Variants in CPA6 observed in about 807,000 individuals in gnomAD.
CPA6 encodes the protein carboxypeptidase A6, also known as carboxypeptidase B.
CPA6 carries 58 observed loss-of-function variants against 63.3 expected under a neutral mutation model. That is an observed-to-expected ratio of 0.92 (90% CI 0.74 to 1.14). CPA6 has a LOEUF of 1.14. CPA6 is among the 50% of genes most tolerant of loss of function. The pLI, the probability that CPA6 is intolerant of heterozygous loss-of-function variation, is 0.00. For synonymous variants in CPA6, 185 were observed against 179.0 expected (o/e 1.03, Z -0.27); for missense variants, 565 against 526.6 (o/e 1.07, Z -0.71).
intron 1 of CPA6, among the ~76,000 whole-genome samples, chr8:67,745,737 G>A (rs547967835): frequency 4.6e-5 from 7 of 152,250 alleles, no homozygotes; most frequent in South Asian, 4.2e-4. Flanking sequence ...TACTGACCAT[G>A]GCTACTCCAA....
chr8:67,483,943 GT>G (rs1471575622), intron 7 of CPA6, 85 bp from the exon 8 acceptor site: 1 of 1,091,016 alleles, frequency 9.2e-7, no homozygotes, highest in African/African-American at 1.5e-5. Flanking sequence ...CAATGAAAGA[GT>G]CATACCACTG....
intron 8 of CPA6, 157 bp downstream of exon 8, chr8:67,483,611 C>T: frequency 1.8e-5 from 11 of 614,934 alleles, no homozygotes; most frequent in East Asian, 2.8e-5. Context: ...TTTCTTTTGC[C>T]AATTACAGCT....
At chr8:67,673,640 C>T (rs1311956243) in intron 1 of CPA6, among the ~76,000 whole-genome samples, 1 of 151,696 alleles carries the variant, frequency 6.6e-6, no homozygotes, top group Non-Finnish European at 1.5e-5. Flanking sequence ...GATCCACCCA[C>T]CTCGGCCTCC....
At chr8:67,601,425 G>T (rs1266324276) in intron 2 of CPA6, among the ~76,000 whole-genome samples, 1 of 152,150 alleles carries the variant, frequency 6.6e-6, no homozygotes, top group Non-Finnish European at 1.5e-5. Flanking sequence ...GAAACATTCA[G>T]TATCAAGTAT....
intron 8 of CPA6, among the ~76,000 whole-genome samples, chr8:67,443,105 C>G (rs1810331764): frequency 6.6e-6 from 1 of 151,784 alleles, no homozygotes; most frequent in African/African-American, 2.4e-5. Flanking sequence ...CTCTGTCACC[C>G]AGGCTGGAGT....
chr8:67,657,041 C>T (rs964124747), intron 1 of CPA6, among the ~76,000 whole-genome samples: 2 of 152,314 alleles, frequency 1.3e-5, no homozygotes, highest in Non-Finnish European at 2.9e-5. Flanking sequence ...CCCTTAATCT[C>T]TCAATTTATT....
chr8:67,709,610 A>G (rs1817212270), intron 1 of CPA6, among the ~76,000 whole-genome samples: 1 of 152,228 alleles, frequency 6.6e-6, no homozygotes, highest in South Asian at 2.1e-4. Context: ...ATTGTGAGTG[A>G]CCATGGCCCA....
chr8:67,496,213 T>C (rs531227490), intron 6 of CPA6, among the ~76,000 whole-genome samples: 65 of 152,206 alleles, frequency 4.3e-4, no homozygotes, highest in African/African-American at 1.5e-3. Flanking sequence ...CACTATTTTA[T>C]GTTGTTTCCC....
chr8:67,560,962 T>C (rs750554223), intron 2 of CPA6, among the ~76,000 whole-genome samples: 2 of 152,188 alleles, frequency 1.3e-5, no homozygotes, highest in Non-Finnish European at 2.9e-5. Context: ...CAACCCTGAT[T>C]ATTTGAAATC....
chr8:67,483,333 T>C (rs1811398875), intron 8 of CPA6: 1 of 180,972 alleles, frequency 5.5e-6, no homozygotes, highest in Non-Finnish European at 1.2e-5. Context: ...AATCCACGTA[T>C]GACCAGCAGA....
intron 1 of CPA6, among the ~76,000 whole-genome samples, chr8:67,734,666 A>G (rs1006222767): frequency 6.6e-6 from 1 of 152,108 alleles, no homozygotes; most frequent in African/African-American, 2.4e-5. Flanking sequence ...GCTCATCCCA[A>G]ATGCCTCCAA....
At chr8:67,709,840 G>A (rs1019541528) in intron 1 of CPA6, among the ~76,000 whole-genome samples, 2 of 152,174 alleles carry the variant, frequency 1.3e-5, no homozygotes, top group Non-Finnish European at 2.9e-5. Context: ...GCTCGGTGTG[G>A]TGGCTCACGC....
At chr8:67,586,382 CAT>C (rs1295648715) in intron 2 of CPA6, among the ~76,000 whole-genome samples, 3 of 152,098 alleles carry the variant, frequency 2.0e-5, no homozygotes, top group Non-Finnish European at 4.4e-5. Context: ...ACATGCCAGT[CAT>C]AGAAGATTGT....
chr8:67,434,269 G>T, intron 8 of CPA6, 29 bp from the exon 9 acceptor site: 1 of 1,576,072 alleles, frequency 6.3e-7, no homozygotes, highest in East Asian at 2.2e-5. Flanking sequence ...AATGGGGTAA[G>T]GAAGTGGGCA....
chr8:67,518,370 TGAATAA>T (rs908854982), intron 2 of CPA6, among the ~76,000 whole-genome samples: 2 of 152,176 alleles, frequency 1.3e-5, no homozygotes, highest in Admixed American at 6.5e-5. Flanking sequence ...TGCAAATACT[TGAATAA>T]TTGTAAGAAA....
intron 2 of CPA6, among the ~76,000 whole-genome samples, chr8:67,541,767 T>C (rs1038120431): frequency 5.3e-5 from 8 of 152,178 alleles, no homozygotes; most frequent in Admixed American, 2.0e-4. Context: ...CCTGAATCCC[T>C]TGTGCATCCT....
At chr8:67,455,523 G>T (rs1000338809) in intron 8 of CPA6, among the ~76,000 whole-genome samples, 1 of 151,662 alleles carries the variant, frequency 6.6e-6, no homozygotes, top group African/African-American at 2.4e-5. Flanking sequence ...TTGACCACAG[G>T]ACTATGCTTT....
At chr8:67,625,308 G>C (rs2128987150) in intron 1 of CPA6, among the ~76,000 whole-genome samples, 1 of 152,326 alleles carries the variant, frequency 6.6e-6, no homozygotes, top group Admixed American at 6.5e-5. Context: ...TACTGGGTCA[G>C]TTTCACAACC....
intron 2 of CPA6, among the ~76,000 whole-genome samples, chr8:67,579,816 C>T (rs1234536583): frequency 2.0e-5 from 3 of 152,222 alleles, no homozygotes; most frequent in Non-Finnish European, 4.4e-5. Flanking sequence ...TATGCTCATT[C>T]GCTTCCACAT....
Sources: gnomAD v4.1 joint callset for allele counts (sites outside exome capture counted in the v4.1 genomes callset) on GRCh38, gnomAD v4.1.1 for gene constraint, MANE v1.5 for transcripts, NCBI Gene and HGNC (gene_info 2026-07-23, HGNC 2026-07-21) for gene names.